RIC1: variants seen among roughly 807,000 people sequenced by gnomAD.
The protein encoded by RIC1 is RIC1 partner of RAB6A GEF complex.
RIC1 carries 88 observed loss-of-function variants against 169.0 expected under a neutral mutation model. That is an observed-to-expected ratio of 0.52 (90% confidence interval 0.44 to 0.62). The LOEUF (loss-of-function observed/expected upper bound fraction) is 0.62. RIC1 is among the 20% of genes least tolerant of loss of function. The pLI is 0.00. For synonymous variants in RIC1, 790 were observed against 601.5 expected, an observed-to-expected ratio of 1.31 and a Z score of -4.59; for missense variants, 1,877 against 1,725.5, an observed-to-expected ratio of 1.09 and a Z score of -1.56.
intron 2 of RIC1, among the ~76,000 whole-genome samples, chr9:5,661,502 C>T (rs1264139263): frequency 1.3e-5 from 2 of 151,964 alleles, no homozygotes; most frequent in Non-Finnish European, 2.9e-5. Context: ...TGTCATCTGT[C>T]ATTTGTTTGA....
chr9:5,654,932 T>C (rs1818999338), intron 1 of RIC1, among the ~76,000 whole-genome samples: 1 of 152,250 alleles, frequency 6.6e-6, no homozygotes, highest in Non-Finnish European at 1.5e-5. Flanking sequence ...TATATTAATC[T>C]TGGATCCTGT....
At chr9:5,732,538 T>C (rs968375526) in intron 7 of RIC1, 59 bp downstream of exon 7, 4 of 1,119,418 alleles carry the variant, frequency 3.6e-6, no homozygotes, top group Non-Finnish European at 5.3e-6. Flanking sequence ...ACTGGTTTTT[T>C]TTTTTGTAAA....
chr9:5,642,284 A>C (rs947622496), intron 1 of RIC1, among the ~76,000 whole-genome samples: 2 of 144,850 alleles, frequency 1.4e-5, no homozygotes, highest in East Asian at 3.9e-4. Flanking sequence ...GGATGTGTTC[A>C]TGCGTTGATG....
At chr9:5,661,617 A>G (rs1317988535) in intron 2 of RIC1, among the ~76,000 whole-genome samples, 1 of 152,168 alleles carries the variant, frequency 6.6e-6, no homozygotes, top group Non-Finnish European at 1.5e-5. Flanking sequence ...GAGTTCATTC[A>G]TGATTTGGCT....
chr9:5,659,666 T>G (rs1819331973), intron 2 of RIC1, among the ~76,000 whole-genome samples: 1 of 152,210 alleles, frequency 6.6e-6, no homozygotes, highest in Non-Finnish European at 1.5e-5. Context: ...TTATCAATTA[T>G]TTAGACCTTC....
chr9:5,629,364 G>T lies in RIC1; in HGVS notation c.55G>T (p.Ala19Ser). The change falls in exon 1 of 26, where the codon GCC becomes TCC. Residue 19 changes from alanine to serine, a missense_variant. This residue lies in a region of RIC1 where 1,104 missense variants were observed against 992.0 expected (regional missense o/e 1.11). Transcript: ENST00000414202. ...GCTGCTGTGCCCTCTGGGGAGCCCGGCCGAGGCGCCTTTCCACGTTCAGTC... is the reference window on the plus strand; with the variant it reads ...GCTGCTGTGCCCTCTGGGGAGCCCGTCCGAGGCGCCTTTCCACGTTCAGTC... ...KRLLCPLGSP[A>S]EAPFHVQSDP... The T allele has an allele frequency of 1.3e-6, 2 of 1,534,396 alleles. No homozygotes were observed. The highest frequency in any genetic ancestry group is 2.7e-5 in the African/African-American group (2 of 72,980).
chr9:5,697,647 T>C (rs1395912083), intron 3 of RIC1, among the ~76,000 whole-genome samples: 1 of 152,198 alleles, frequency 6.6e-6, no homozygotes, highest in Admixed American at 6.5e-5. Flanking sequence ...CCTGGAGTTT[T>C]AGGAAAAGAA....
At chr9:5,666,989 T>C (rs1392192026) in intron 2 of RIC1, among the ~76,000 whole-genome samples, 2 of 152,212 alleles carry the variant, frequency 1.3e-5, no homozygotes, top group Non-Finnish European at 2.9e-5. Context: ...CCCTTTTTTC[T>C]TAACTTACCT....
rs201026319 is a variant in RIC1 at position 5,654,457 on chromosome 9, G to A, written c.145-2126G>A. Among the ~76,000 whole-genome samples, 5 of 151,912 alleles carry A rather than the reference G, an allele frequency of 3.3e-5. 1 individual carries two copies. The highest frequency in any genetic ancestry group is 4.2e-4 in the South Asian group (2 of 4,812). On this transcript the variant is annotated intron_variant, in intron 1 of 25. Coordinates refer to ENST00000414202, the MANE Select transcript of RIC1 (RefSeq NM_020829.4). ...AGAGACGGGGTTTCACCATGTTGGC[G>A]GGCTGGTCTCGAACTCCTGACCTCA...
At chr9:5,735,490 T>C (rs1824643739) in intron 7 of RIC1, among the ~76,000 whole-genome samples, 1 of 152,224 alleles carries the variant, frequency 6.6e-6, no homozygotes, top group Non-Finnish European at 1.5e-5. Flanking sequence ...CAGGATAATG[T>C]AGGTAGACTC....
intron 2 of RIC1, among the ~76,000 whole-genome samples, chr9:5,659,860 A>G (rs560239398): frequency 6.6e-6 from 1 of 152,222 alleles, no homozygotes; most frequent in Admixed American, 6.5e-5. Flanking sequence ...ACTTAACTTC[A>G]GGGTACATGT....
intron 3 of RIC1, among the ~76,000 whole-genome samples, chr9:5,704,878 C>G (rs1822471979): frequency 6.6e-6 from 1 of 152,012 alleles, no homozygotes; most frequent in African/African-American, 2.4e-5. Context: ...CAACTTAATT[C>G]TTTCGTAAAT....
chr9:5,743,092 G>A (rs1825175219), intron 9 of RIC1, 79 bp downstream of exon 9: 3 of 1,369,298 alleles, frequency 2.2e-6, no homozygotes, highest in East Asian at 4.7e-5. Flanking sequence ...CCTTGTGTCA[G>A]AACTTCCCTT....
At chr9:5,658,773 C>T (rs1054543830) in intron 2 of RIC1, among the ~76,000 whole-genome samples, 1 of 151,554 alleles carries the variant, frequency 6.6e-6, no homozygotes, top group Non-Finnish European at 1.5e-5. Context: ...TTGCCCTCCT[C>T]CACAGCTGTT....
intron 25 of RIC1, 52 bp from the exon 26 acceptor site, chr9:5,773,906 C>G: frequency 1.3e-6 from 2 of 1,486,154 alleles, no homozygotes; most frequent in Non-Finnish European, 1.8e-6. Context: ...TAATGTTCTA[C>G]CAAACCTTTT....
At position 5,637,646 on chromosome 9, in the gene RIC1, C is replaced by G. The variant is rs186880773; in HGVS notation, c.144+8193C>G. ...TCAGCCTCTGGTAATCATCTTTCCA[C>G]TCTTTATCACCATTAGTTCAATTGT... On this transcript the variant is annotated intron_variant, in intron 1 of 25. Transcript: ENST00000414202. Among the ~76,000 whole-genome samples the G allele has an allele frequency of 3.0e-3, 462 of 152,316 alleles. 3 individuals carry two copies. Among genetic ancestry groups the G allele is most frequent in the African/African-American group, 0.01 (425 of 41,566 alleles).
In RIC1 at chr9:5,668,808, C is replaced by T. The variant is rs959511698; in HGVS notation, c.252+12118C>T. On this transcript the variant is annotated intron_variant, in intron 2 of 25. Transcript: ENST00000414202. ...TTTCTTGATTTTCTTTAGTTTTTTGCCCATGGTCTCCTTTAGCTCATTGAA... is the reference window on the plus strand; with the variant it reads ...TTTCTTGATTTTCTTTAGTTTTTTGTCCATGGTCTCCTTTAGCTCATTGAA... Among the ~76,000 whole-genome samples, 4 of 151,864 alleles carry T rather than the reference C, an allele frequency of 2.6e-5. No individual in the cohort carries two copies. The East Asian group carries it at 5.8e-4, about 22-fold the overall frequency.
intron 2 of RIC1, among the ~76,000 whole-genome samples, chr9:5,664,478 C>G (rs909985991): frequency 1.3e-5 from 2 of 151,874 alleles, no homozygotes; most frequent in Middle Eastern, 3.2e-3. Flanking sequence ...ACTGAGAGGT[C>G]TATTGTTAGT....
At chr9:5,653,091 C>T (rs1417377427) in intron 1 of RIC1, among the ~76,000 whole-genome samples, 1 of 152,122 alleles carries the variant, frequency 6.6e-6, no homozygotes, top group African/African-American at 2.4e-5. Context: ...GGTTTGCTAC[C>T]ATTTTGTTGA....
Sources: allele counts gnomAD v4.1 joint callset (sites outside exome capture counted in the v4.1 genomes callset), GRCh38; gene constraint gnomAD v4.1.1; regional missense constraint gnomAD v4.1.1; transcripts MANE v1.5; gene names NCBI Gene and HGNC (gene_info 2026-07-23, HGNC 2026-07-21).